Variants in MAB21L4 observed in about 807,000 individuals in gnomAD.
The protein encoded by MAB21L4 is protein mab-21-like 4.
MAB21L4 carries 25 observed loss-of-function variants against 32.4 expected under a neutral mutation model. That is an observed-to-expected ratio of 0.77 (90% confidence interval 0.56 to 1.08). MAB21L4 has a LOEUF of 1.08. Ranked by LOEUF, MAB21L4 falls within the 50% of genes least tolerant of loss-of-function variation. The pLI, the probability that MAB21L4 is intolerant of heterozygous loss-of-function variation, is 0.00. For synonymous variants in MAB21L4, 280 were observed against 276.8 expected (o/e 1.01, Z -0.11); for missense variants, 638 against 611.0 (o/e 1.04, Z -0.47).
rs370614463 is a variant in MAB21L4 at position 240,890,135 on chromosome 2, G to T, written c.764C>A (p.Thr255Lys). The change falls in exon 3 of 5, where the codon ACG becomes AAG. Residue 255 changes from threonine (T) to lysine (K), a missense_variant. Coordinates refer to ENST00000388934, the MANE Select transcript of MAB21L4 (RefSeq NM_001085437.3). Reference sequence around the variant, plus strand: ...GGAGCCCAGCTCCCCCAGCAGCCTCGTGAGCAGGTAGTCAGTGGAGGTCCT... The same window carrying T: ...GGAGCCCAGCTCCCCCAGCAGCCTCTTGAGCAGGTAGTCAGTGGAGGTCCT... ...LWRTSTDYLL[T>K]RLLGELGSLQ... is the part of the protein sequence containing the mutation. 4 of 1,609,896 alleles carry T rather than the reference G, an allele frequency of 2.5e-6. No individual in the cohort carries two copies. In the Admixed American group the frequency reaches 5.0e-5, roughly 20 times the overall value.
Position 240,891,587 on chromosome 2 carries a change from T to A in MAB21L4, c.691A>T (p.Ile231Phe). The change falls in exon 2 of 5, where the codon ATC (isoleucine) becomes TTC (phenylalanine). Residue 231 changes from isoleucine (I) to phenylalanine (F), a missense_variant. Transcript: ENST00000388934. ...PGFPEGSLRR[I>F]LSQGVDLVPA... ...ACCAGGTCCACCCCTTGGCTGAGGATCCTTCTCAAGCTGCCCTCAGGGAAT... is the reference window on the plus strand; with the variant it reads ...ACCAGGTCCACCCCTTGGCTGAGGAACCTTCTCAAGCTGCCCTCAGGGAAT... 1 of 1,611,074 alleles carries A rather than the reference T, an allele frequency of 6.2e-7. No homozygotes were observed. The highest frequency in any genetic ancestry group is 8.5e-7 in the Non-Finnish European group (1 of 1,179,936).
chr2:240,888,269 A>T, intron 4 of MAB21L4, 23 bp downstream of exon 4: 1 of 1,510,586 alleles, frequency 6.6e-7, no homozygotes, highest in Non-Finnish European at 8.8e-7. Flanking sequence ...GGCCTGCCCA[A>T]GGCCCCCGCA....
chr2:240,887,228 GC>G, intron 4 of MAB21L4, 66 bp from the exon 5 acceptor site: 2 of 1,336,690 alleles, frequency 1.5e-6, no homozygotes, highest in Admixed American at 1.7e-5. Context: ...AGCTCTCAGG[GC>G]CGAGAGCACA....
Position 240,886,885 on chromosome 2 carries a change from G to A in MAB21L4, c.*185C>T, listed in dbSNP as rs1319739599. ...CTGACCCAGGGAGGAGGTGCTCCAA[G>A]AGGCCTGCCCTGCCCCACCAGGCAC... is the stretch of plus-strand genomic sequence containing the variant. On this transcript the variant is annotated 3_prime_UTR_variant, in exon 5 of 5. Coordinates refer to ENST00000388934, the MANE Select transcript of MAB21L4 (RefSeq NM_001085437.3). The A allele has an allele frequency of 3.6e-6, 2 of 555,064 alleles. No individual in the cohort carries two copies. The highest frequency in any genetic ancestry group is 6.4e-6 in the Non-Finnish European group (2 of 313,346). The allele number at this position is 555,064 out of a possible 1,614,324, so 34.4% of individuals were successfully genotyped here.
Position 240,891,751 on chromosome 2 carries a change from G to A in MAB21L4, c.527C>T (p.Ala176Val), listed in dbSNP as rs201604905. 5.3e-4 allele frequency: 856 copies of A among 1,608,308 alleles called. 6 individuals carry two copies. In the Middle Eastern group the frequency reaches 5.8e-3, roughly 11 times the overall value. The part of the protein sequence containing the change: ...HSLIAPGSLN[A>V]ASLREEQLHL... ...GAGCTGCTCCTCCCTCAGGCTGGCC[G>A]CGTTCAGCGAACCTGCAAAGACCCA... Residue 176 changes from alanine to valine, a missense_variant, in exon 2 of 5, where the codon GCG becomes GTG. Physicochemically the swap from Ala to Val is moderately conservative, Grantham distance 64 (BLOSUM62 0). Coordinates refer to ENST00000388934, the MANE Select transcript of MAB21L4 (RefSeq NM_001085437.3).
chr2:240,895,869 C>A lies in MAB21L4; in HGVS notation c.129G>T (p.Leu43=). Residue 43 remains leucine, a synonymous_variant, in exon 1 of 5, where the codon CTG becomes CTT. Transcript: ENST00000388934. ...AQDFQRAENV[L]LTVLERVHAL... is the part of the protein sequence containing the mutation. The stretch of plus-strand genomic sequence containing the variant: ...CATGCACGCGCTCCAGCACCGTGAG[C>A]AGCACGTTCTCTGCGCGCTGGAAGT... The A allele has an allele frequency of 6.4e-7, 1 of 1,554,532 alleles. No homozygotes were observed. The highest frequency in any genetic ancestry group is 8.7e-7 in the Non-Finnish European group (1 of 1,147,896).
intron 4 of MAB21L4, among the ~76,000 whole-genome samples, chr2:240,887,692 G>T (rs1022921683): frequency 1.3e-5 from 2 of 152,208 alleles, no homozygotes; most frequent in African/African-American, 4.8e-5. Flanking sequence ...CCCTGTTTGT[G>T]CCCTGGAAGG....
At position 240,895,677 on chromosome 2, in the gene MAB21L4, T is replaced by C. The variant is rs1319828124; in HGVS notation, c.321A>G (p.Glu107=). 6.2e-7 allele frequency: 1 copy of C among 1,612,844 alleles called. No individual in the cohort carries two copies. Among genetic ancestry groups the C allele is most frequent in the East Asian group, 2.2e-5 (1 of 44,862 alleles). ...PEATQPEDGL[E]LCHLGVPREG... ...CCCTGGGCACACCCAGGTGGCATAA[T>C]TCAAGGCCATCCTCCGGCTGGGTGG... Residue 107 remains glutamate (E), a synonymous_variant, in exon 1 of 5, where the codon GAA becomes GAG. Coordinates refer to ENST00000388934, the MANE Select transcript of MAB21L4 (RefSeq NM_001085437.3).
chr2:240,888,933 C>T (rs922899391), intron 3 of MAB21L4, among the ~76,000 whole-genome samples: 4 of 152,134 alleles, frequency 2.6e-5, no homozygotes, highest in African/African-American at 9.6e-5. Context: ...CAGGACCTCC[C>T]TTGGGGGCCT....
chr2:240,894,080 C>A (rs945708638), intron 1 of MAB21L4, among the ~76,000 whole-genome samples: 1 of 151,906 alleles, frequency 6.6e-6, no homozygotes, highest in Admixed American at 6.5e-5. Context: ...TCCCAGCATG[C>A]AGACTGGAGG....
At position 240,895,594 on chromosome 2, in the gene MAB21L4, C is replaced by A. The variant is rs756591935; in HGVS notation, c.404G>T (p.Gly135Val). The change falls in exon 1 of 5, where the codon GGT becomes GTT. Residue 135 changes from glycine (G) to valine (V), a missense_variant. Physicochemically the swap from Gly to Val is moderately radical, Grantham distance 109. Coordinates refer to ENST00000388934, the MANE Select transcript of MAB21L4 (RefSeq NM_001085437.3). ...AATGTGTCCACGGCACTTGGCGTCACCCTCCGAGGAGGCAGTGAAGGTATC... is the reference window on the plus strand; with the variant it reads ...AATGTGTCCACGGCACTTGGCGTCAACCTCCGAGGAGGCAGTGAAGGTATC... The part of the protein sequence containing the change: ...TEDTFTASSE[G>V]DAKCRGHIVP... 3 of 1,612,692 alleles carry A rather than the reference C, an allele frequency of 1.9e-6. No homozygotes were observed. In the Admixed American group the frequency reaches 5.0e-5, roughly 27 times the overall value.
At chr2:240,889,924 G>A (rs1440273370) in intron 3 of MAB21L4, 81 bp downstream of exon 3, 1 of 1,481,686 alleles carries the variant, frequency 6.7e-7, no homozygotes, top group East Asian at 2.4e-5. Flanking sequence ...TGCCAGTCAG[G>A]GCTGGCAGGA....
At chr2:240,889,097 G>C (rs892718046) in intron 3 of MAB21L4, among the ~76,000 whole-genome samples, 4 of 152,200 alleles carry the variant, frequency 2.6e-5, no homozygotes, top group Admixed American at 1.3e-4. Flanking sequence ...CAAGACCTGA[G>C]CTGCCTGCGG....
chr2:240,895,200 A>G (rs540149173), intron 1 of MAB21L4, among the ~76,000 whole-genome samples: 4 of 152,308 alleles, frequency 2.6e-5, no homozygotes, highest in African/African-American at 9.6e-5. Context: ...GTGCAAACAC[A>G]CACGACACGG....
At chr2:240,891,968 G>T (rs971983518) in intron 1 of MAB21L4, 5 of 1,546,198 alleles carry the variant, frequency 3.2e-6, no homozygotes, top group Non-Finnish European at 4.4e-6. Flanking sequence ...TGAGGAGCTG[G>T]CCACCATGCC....
intron 2 of MAB21L4, among the ~76,000 whole-genome samples, chr2:240,890,448 G>A (rs971637515): frequency 1.3e-5 from 2 of 152,220 alleles, no homozygotes; most frequent in Non-Finnish European, 2.9e-5. Flanking sequence ...ACCTGCCCAG[G>A]TTGGAACCAC....
chr2:240,891,691 G>T lies in MAB21L4; in HGVS notation c.587C>A (p.Thr196Lys). 6.2e-7 allele frequency: 1 copy of T among 1,609,790 alleles called. No individual in the cohort carries two copies. Among genetic ancestry groups the T allele is most frequent in the Non-Finnish European group, 8.5e-7 (1 of 1,179,970 alleles). Reference sequence around the variant, plus strand: ...CACGGGCACCACGTGGAAGCTGATTGTTCTCCAGCCGCTGGACACCAGCAA... The same window carrying T: ...CACGGGCACCACGTGGAAGCTGATTTTTCTCCAGCCGCTGGACACCAGCAA... ...LSLLVSSGWR[T>K]ISFHVVPVVR... Residue 196 changes from threonine to lysine, a missense_variant, in exon 2 of 5, where the codon ACA (threonine) becomes AAA (lysine). Thr to Lys is a moderately conservative substitution (Grantham distance 78). Coordinates refer to ENST00000388934, the MANE Select transcript of MAB21L4 (RefSeq NM_001085437.3).
At position 240,888,636 on chromosome 2, in the gene MAB21L4, A is replaced by G. The variant is rs1280848685; in HGVS notation, c.907T>C (p.Trp303Arg). 6.4e-7 allele frequency: 1 copy of G among 1,573,138 alleles called. No individual in the cohort carries two copies. The highest frequency in any genetic ancestry group is 1.4e-5 in the African/African-American group (1 of 73,578). Residue 303 changes from tryptophan (W) to arginine (R), a missense_variant, in exon 4 of 5, where the codon TGG becomes CGG. Physicochemically the swap from Trp to Arg is moderately radical, Grantham distance 101. Transcript: ENST00000388934. ...TFGHLKMVLL[W>R]ASVLFLAPED... is the part of the protein sequence containing the mutation. Reference sequence around the variant, plus strand: ...GGCGCCAGGAAGAGCACAGAGGCCCACAGCAGCACCATCTGCAGGACAGCA... The same window carrying G: ...GGCGCCAGGAAGAGCACAGAGGCCCGCAGCAGCACCATCTGCAGGACAGCA...
Position 240,896,015 on chromosome 2 carries a change from G to A in MAB21L4, c.-18C>T, listed in dbSNP as rs10933514. 0.5 allele frequency: 711,648 copies of A among 1,429,184 alleles called. 180,242 individuals carry two copies. The highest frequency in any genetic ancestry group is 0.73 in the African/African-American group (50,803 of 69,644). The allele number at this position is 1,429,184 out of a possible 1,614,324, so 88.5% of individuals were successfully genotyped here. A position where few individuals can be genotyped will look rare whatever the true frequency, so the allele number is the denominator to read the frequency against. On this transcript the variant is annotated 5_prime_UTR_variant, in exon 1 of 5. Transcript: ENST00000388934. The stretch of plus-strand genomic sequence containing the variant: ...GCAGGCATCCCTTCAACAGTGGCAG[G>A]TGAGGGCCAGTGGCCCCTGAGGAGG...
Sources: gnomAD v4.1 joint callset for allele counts (sites outside exome capture counted in the v4.1 genomes callset) on GRCh38, gnomAD v4.1.1 for gene constraint, MANE v1.5 for transcripts, NCBI Gene and HGNC (gene_info 2026-07-23, HGNC 2026-07-21) for gene names.